PCCA: variants seen among roughly 807,000 people sequenced by gnomAD.
PCCA encodes the protein propionyl-CoA carboxylase alpha chain, mitochondrial.
In PCCA, 74 loss-of-function variants were observed where a neutral mutation model predicts 101.3. That is an observed-to-expected ratio of 0.73 (90% CI 0.61 to 0.89). PCCA has a LOEUF of 0.89. PCCA is among the 40% of genes least tolerant of loss of function. The pLI, the probability that PCCA is intolerant of heterozygous loss-of-function variation, is 0.00. For synonymous variants in PCCA, 294 were observed against 313.6 expected (o/e 0.94, Z 0.66); for missense variants, 891 against 907.0 (o/e 0.98, Z 0.23).
chr13:100,293,945 T>C (rs1047604758), intron 12 of PCCA, among the ~76,000 whole-genome samples: 1 of 152,228 alleles, frequency 6.6e-6, no homozygotes, highest in African/African-American at 2.4e-5. Context: ...TTTATCTATG[T>C]TTAACTTTTT....
intron 19 of PCCA, among the ~76,000 whole-genome samples, chr13:100,403,683 A>G (rs1008087743): frequency 6.6e-6 from 1 of 152,138 alleles, no homozygotes; most frequent in Non-Finnish European, 1.5e-5. Flanking sequence ...CCCACAGACA[A>G]TTTGAATGGT....
chr13:100,517,223 G>A (rs1594107750), intron 22 of PCCA, among the ~76,000 whole-genome samples: 2 of 152,188 alleles, frequency 1.3e-5, no homozygotes, highest in Admixed American at 6.5e-5. Flanking sequence ...CTGCAGCCCT[G>A]GCCCCTCACA....
chr13:100,304,546 G>A (rs981618613), intron 14 of PCCA, among the ~76,000 whole-genome samples: 8 of 152,140 alleles, frequency 5.3e-5, no homozygotes, highest in Admixed American at 1.3e-4. Context: ...TAGACATGGC[G>A]GGCTGGGAGT....
rs1302057912 is a variant in PCCA at position 100,303,535 on chromosome 13, TTTAA to T, written c.1284+539_1284+542del. ...CATTTTATTCCATAGCTCTTCTGTATTTAATAGCTATTTTGAAAATAGTTTTTGT... is the reference window on the plus strand; with the variant it reads ...CATTTTATTCCATAGCTCTTCTGTATTAGCTATTTTGAAAATAGTTTTTGT... On this transcript the variant is annotated intron_variant, in intron 14 of 23. Transcript: ENST00000376285. Among the ~76,000 whole-genome samples the T allele has an allele frequency of 9.2e-5, 14 of 152,248 alleles. No homozygotes were observed. The East Asian group carries it at 2.7e-3, about 29-fold the overall frequency.
At chr13:100,101,631 C>T (rs766912919) in intron 1 of PCCA, among the ~76,000 whole-genome samples, 1 of 151,976 alleles carries the variant, frequency 6.6e-6, no homozygotes, top group Non-Finnish European at 1.5e-5. Context: ...AGGAGTTTCG[C>T]TCTTGTTGCC....
chr13:100,503,633 G>A (rs770325349), intron 21 of PCCA, among the ~76,000 whole-genome samples: 1 of 152,218 alleles, frequency 6.6e-6, no homozygotes, highest in East Asian at 1.9e-4. Flanking sequence ...GCTGGGCACA[G>A]TGGCTTATGC....
chr13:100,256,100 C>G (rs557592940), intron 8 of PCCA, among the ~76,000 whole-genome samples: 3 of 152,214 alleles, frequency 2.0e-5, no homozygotes, highest in South Asian at 2.1e-4. Flanking sequence ...CTCCGCCTCC[C>G]AGGTTCAAGC....
chr13:100,409,053 C>T (rs1160534635), intron 19 of PCCA, among the ~76,000 whole-genome samples: 1 of 152,062 alleles, frequency 6.6e-6, no homozygotes, highest in Non-Finnish European at 1.5e-5. Flanking sequence ...AGCCAGCCAC[C>T]CCGGGTGCCC....
chr13:100,479,081 A>G (rs1042950184), intron 21 of PCCA, among the ~76,000 whole-genome samples: 1 of 152,176 alleles, frequency 6.6e-6, no homozygotes, highest in Non-Finnish European at 1.5e-5. Flanking sequence ...TCATAGCCCC[A>G]CTACTCACTT....
intron 4 of PCCA, among the ~76,000 whole-genome samples, chr13:100,125,628 T>C (rs777153429): frequency 6.6e-6 from 1 of 152,258 alleles, no homozygotes; most frequent in Non-Finnish European, 1.5e-5. Flanking sequence ...TATGCAAATT[T>C]AAAACAATAG....
intron 12 of PCCA, among the ~76,000 whole-genome samples, chr13:100,289,170 C>A (rs919688950): frequency 6.6e-6 from 1 of 152,100 alleles, no homozygotes; most frequent in African/African-American, 2.4e-5. Context: ...TATTTTCTTG[C>A]CTGAATGTTT....
chr13:100,267,738 G>A (rs2152571056), intron 10 of PCCA, among the ~76,000 whole-genome samples: 1 of 152,248 alleles, frequency 6.6e-6, no homozygotes, highest in South Asian at 2.1e-4. Flanking sequence ...AGCTGCTTTT[G>A]AGTTTCCAGA....
intron 9 of PCCA, among the ~76,000 whole-genome samples, chr13:100,261,507 A>G (rs959552280): frequency 6.4e-4 from 97 of 152,202 alleles, no homozygotes; most frequent in Admixed American, 4.8e-3. Flanking sequence ...CTGGGACTAC[A>G]GGCATGGGCC....
chr13:100,316,928 C>T (rs1816967672), intron 16 of PCCA, among the ~76,000 whole-genome samples: 1 of 151,914 alleles, frequency 6.6e-6, no homozygotes. Flanking sequence ...GGTGCGCCAC[C>T]ACACCTAGCT....
intron 11 of PCCA, among the ~76,000 whole-genome samples, chr13:100,269,290 G>A (rs1181647026): frequency 6.6e-6 from 1 of 152,142 alleles, no homozygotes; most frequent in East Asian, 1.9e-4. Flanking sequence ...GAGAATACTT[G>A]AAAAAGAAGT....
intron 12 of PCCA, among the ~76,000 whole-genome samples, chr13:100,276,974 T>A (rs1231328718): frequency 2.6e-5 from 4 of 152,208 alleles, no homozygotes; most frequent in South Asian, 4.1e-4. Flanking sequence ...ACAGTTATTT[T>A]AAAAATTGTT....
intron 4 of PCCA, among the ~76,000 whole-genome samples, chr13:100,144,618 A>G (rs2052308707): frequency 6.6e-6 from 1 of 152,220 alleles, no homozygotes; most frequent in African/African-American, 2.4e-5. Context: ...TAAATTAAAA[A>G]TACATACACT....
chr13:100,192,458 C>T (rs999559208), intron 6 of PCCA, among the ~76,000 whole-genome samples: 2 of 152,020 alleles, frequency 1.3e-5, no homozygotes, highest in African/African-American at 4.8e-5. Context: ...ACATCAAAGG[C>T]GTATAAAATT....
intron 19 of PCCA, among the ~76,000 whole-genome samples, chr13:100,391,163 G>A (rs544815550): frequency 2.4e-4 from 36 of 152,174 alleles, no homozygotes; most frequent in African/African-American, 8.4e-4. Flanking sequence ...GACTACAGGC[G>A]CACGCCACCA....
Sources: allele counts gnomAD v4.1 joint callset (sites outside exome capture counted in the v4.1 genomes callset), GRCh38; gene constraint gnomAD v4.1.1; transcripts MANE v1.5; gene names NCBI Gene and HGNC (gene_info 2026-07-23, HGNC 2026-07-21).